Variants in AGAP1 observed in about 807,000 individuals in gnomAD.
The protein encoded by AGAP1 is ArfGAP with GTPase domain, ankyrin repeat and PH domain 1, also known as arf-GAP with GTPase, ANK repeat and PH domain-containing protein 1.
A neutral mutation model predicts 105.3 loss-of-function variants in AGAP1; 29 were observed. That is an observed-to-expected ratio of 0.28 (90% CI 0.21 to 0.38). AGAP1 has a LOEUF of 0.38. AGAP1 is among the 10% of genes least tolerant of loss of function. AGAP1 has a pLI of 1.00. For synonymous variants in AGAP1, 509 were observed against 485.9 expected, an observed-to-expected ratio of 1.05 and a Z score of -0.63; for missense variants, 998 against 1,165.1, an observed-to-expected ratio of 0.86 and a Z score of 2.09.
At chr2:235,847,739 G>A (rs970086111) in intron 9 of AGAP1, among the ~76,000 whole-genome samples, 4 of 152,000 alleles carry the variant, frequency 2.6e-5, no homozygotes, top group African/African-American at 7.2e-5. Context: ...AGTGGCTCTC[G>A]TACACGACGC....
intron 9 of AGAP1, among the ~76,000 whole-genome samples, chr2:235,856,771 C>G (rs761459266): frequency 2.0e-5 from 3 of 152,244 alleles, no homozygotes; most frequent in Non-Finnish European, 4.4e-5. Context: ...ATAAATGTCC[C>G]TTGCCCAAGT....
Position 236,035,539 on chromosome 2 carries a change from G to A in AGAP1, c.1646-1022G>A, listed in dbSNP as rs558020745. Among the ~76,000 whole-genome samples the A allele has an allele frequency of 6.6e-6, 1 of 152,176 alleles. No homozygotes were observed. The highest frequency in any genetic ancestry group is 2.4e-5 in the African/African-American group (1 of 41,450). The stretch of plus-strand genomic sequence containing the variant: ...CTACTCAGGAGGCGAAGGCAGGCTC[G>A]CTTGAGCCTGGGAGGTGGAAGATAT... On this transcript the variant is annotated intron_variant, in intron 13 of 17. Coordinates refer to ENST00000304032, the MANE Select transcript of AGAP1 (RefSeq NM_001037131.3). This position sits in a 1 kb window ranked among gnomAD's most constrained non-coding sequence, Gnocchi z 4.2.
Position 236,087,827 on chromosome 2 carries a change from G to A in AGAP1, c.2115-32365G>A, listed in dbSNP as rs1350827697. On this transcript the variant is annotated intron_variant, in intron 16 of 17. Coordinates refer to ENST00000304032, the MANE Select transcript of AGAP1 (RefSeq NM_001037131.3). This position sits in a 1 kb window ranked among gnomAD's most constrained non-coding sequence, Gnocchi z 5.7. ...TCACAAGGCTTTTGAATGGGCTATGGGGAGGAATAGACCAGAGGTCTTTGC... is the reference window on the plus strand; with the variant it reads ...TCACAAGGCTTTTGAATGGGCTATGAGGAGGAATAGACCAGAGGTCTTTGC... Among the ~76,000 whole-genome samples the A allele has an allele frequency of 6.6e-6, 1 of 152,152 alleles. No individual in the cohort carries two copies. The highest frequency in any genetic ancestry group is 2.4e-5 in the African/African-American group (1 of 41,416).
chr2:235,903,738 T>A (rs1453109481), intron 10 of AGAP1, among the ~76,000 whole-genome samples: 1 of 151,920 alleles, frequency 6.6e-6, no homozygotes, highest in Admixed American at 6.6e-5. Flanking sequence ...TGGGGAGAAT[T>A]CTTGTATATT....
intron 13 of AGAP1, among the ~76,000 whole-genome samples, chr2:236,008,248 C>G (rs890160459): frequency 1.3e-5 from 2 of 152,314 alleles, no homozygotes; most frequent in South Asian, 4.1e-4. Flanking sequence ...GGTTTCTGTT[C>G]TCATGCTGTT....
Position 236,013,772 on chromosome 2 carries a change from C to T in AGAP1, c.1646-22789C>T, listed in dbSNP as rs116513687. 2.4e-3 allele frequency among the ~76,000 whole-genome samples: 358 copies of T among 152,332 alleles called. 1 individual carries two copies. The highest frequency in any genetic ancestry group is 8.0e-3 in the African/African-American group (332 of 41,578). ...AAACATTCCATTCCACCTGCCTGCA[C>T]GGCAGTCCAAGCCCTCTAGCCCTGT... is the stretch of plus-strand genomic sequence containing the variant. On this transcript the variant is annotated intron_variant, in intron 13 of 17. Coordinates refer to ENST00000304032, the MANE Select transcript of AGAP1 (RefSeq NM_001037131.3).
intron 1 of AGAP1, among the ~76,000 whole-genome samples, chr2:235,675,868 A>T (rs1157402727): frequency 3.3e-5 from 5 of 152,156 alleles, no homozygotes; most frequent in African/African-American, 9.7e-5. Context: ...CATCAAAGAG[A>T]CTTGGGCTGG....
rs548247442 is a variant in AGAP1 at position 236,078,376 on chromosome 2, A to G, written c.2114+29095A>G. 1.3e-5 allele frequency among the ~76,000 whole-genome samples: 2 copies of G among 152,220 alleles called. No homozygotes were observed. Among genetic ancestry groups the G allele is most frequent in the African/African-American group, 2.4e-5 (1 of 41,528 alleles). On this transcript the variant is annotated intron_variant, in intron 16 of 17. Coordinates refer to ENST00000304032, the MANE Select transcript of AGAP1 (RefSeq NM_001037131.3). The surrounding 1 kb of genome is among the most constrained non-coding windows in gnomAD (Gnocchi z 5.3). The stretch of plus-strand genomic sequence containing the variant: ...TGCCTTTGTTTGGAGTCCATGGACT[A>G]TAAGTGACATCTACAAAAGGCCTTC...
At chr2:235,766,148 G>C (rs1954932355) in intron 6 of AGAP1, among the ~76,000 whole-genome samples, 1 of 152,194 alleles carries the variant, frequency 6.6e-6, no homozygotes, top group Non-Finnish European at 1.5e-5. Context: ...GCTCCTTTAA[G>C]TTATAATTGT....
At chr2:236,106,631 G>T (rs538841977) in intron 16 of AGAP1, among the ~76,000 whole-genome samples, 35 of 152,358 alleles carry the variant, frequency 2.3e-4, no homozygotes, top group African/African-American at 8.2e-4. Flanking sequence ...GGGCTCCCAT[G>T]AATGCATTTG....
rs937393128 is a variant in AGAP1 at position 235,905,324 on chromosome 2, G to A, written c.1156-3414G>A. On this transcript the variant is annotated intron_variant, in intron 10 of 17. Coordinates refer to ENST00000304032, the MANE Select transcript of AGAP1 (RefSeq NM_001037131.3). This position sits in a 1 kb window ranked among gnomAD's most constrained non-coding sequence, Gnocchi z 4.2. Reference sequence around the variant, plus strand: ...GTTATAGCAAGTTGATATTTTTAAAGGAGTAACTGTGCAAGAAGGAATTCA... The same window carrying A: ...GTTATAGCAAGTTGATATTTTTAAAAGAGTAACTGTGCAAGAAGGAATTCA... 3.3e-5 allele frequency among the ~76,000 whole-genome samples: 5 copies of A among 152,154 alleles called. No homozygotes were observed. The highest frequency in any genetic ancestry group is 1.2e-4 in the African/African-American group (5 of 41,436).
chr2:235,913,505 T>G (rs2051722114), intron 11 of AGAP1, among the ~76,000 whole-genome samples: 1 of 152,124 alleles, frequency 6.6e-6, no homozygotes, highest in African/African-American at 2.4e-5. Context: ...AATCACTTCA[T>G]CAAATGGGCT....
At chr2:235,840,385 C>T (rs1192523600) in intron 9 of AGAP1, among the ~76,000 whole-genome samples, 1 of 152,248 alleles carries the variant, frequency 6.6e-6, no homozygotes, top group Non-Finnish European at 1.5e-5. Flanking sequence ...GAAGACAAGG[C>T]TGTTCCTCTC....
At chr2:235,515,575 C>T (rs1012323060) in intron 1 of AGAP1, among the ~76,000 whole-genome samples, 1 of 152,190 alleles carries the variant, frequency 6.6e-6, no homozygotes, top group Non-Finnish European at 1.5e-5. Context: ...TCATGGGTAT[C>T]ATTTTGTGCA....
rs754604211 is a variant in AGAP1 at position 235,930,793 on chromosome 2, G to C, written c.1353G>C (p.Gln451His). 11 of 1,614,068 alleles carry C rather than the reference G, an allele frequency of 6.8e-6. No homozygotes were observed. The highest frequency in any genetic ancestry group is 9.3e-6 in the Non-Finnish European group (11 of 1,180,020). Residue 451 changes from glutamine (Q) to histidine (H), a missense_variant, in exon 12 of 18, where the codon CAG becomes CAC. Gln to His is a conservative substitution (Grantham distance 24, BLOSUM62 0). Coordinates refer to ENST00000304032, the MANE Select transcript of AGAP1 (RefSeq NM_001037131.3). This position sits in a 1 kb window ranked among gnomAD's most constrained non-coding sequence, Gnocchi z 7.9. ...ATGTCACTAGTGCATCTGGGTCTCA[G>C]ATGGCAAGCGGCATCAGCCTGGTCT... ...SGNVTSASGS[Q>H]MASGISLVSF...
At chr2:236,013,231 G>A (rs982098940) in intron 13 of AGAP1, among the ~76,000 whole-genome samples, 2 of 152,086 alleles carry the variant, frequency 1.3e-5, no homozygotes, top group African/African-American at 2.4e-5. Context: ...CAGGTTTCTC[G>A]CGTATGTTTT....
At chr2:236,084,968 A>T (rs1181690108) in intron 16 of AGAP1, among the ~76,000 whole-genome samples, 1 of 151,812 alleles carries the variant, frequency 6.6e-6, no homozygotes, top group East Asian at 1.9e-4. Context: ...TAATCCCAGC[A>T]CTTTGGGAGG....
At chr2:235,809,089 T>C (rs1957990696) in intron 9 of AGAP1, among the ~76,000 whole-genome samples, 1 of 152,052 alleles carries the variant, frequency 6.6e-6, no homozygotes, top group Non-Finnish European at 1.5e-5. Flanking sequence ...TTAATGCCTG[T>C]CTGTGGTTGA....
intron 16 of AGAP1, among the ~76,000 whole-genome samples, chr2:236,068,860 G>T (rs2058422223): frequency 1.3e-5 from 2 of 149,346 alleles, no homozygotes; most frequent in Non-Finnish European, 3.0e-5. Context: ...TAGGCATGGT[G>T]GTTCACGCCT....
Sources: gnomAD v4.1 joint callset for allele counts (sites outside exome capture counted in the v4.1 genomes callset) on GRCh38, gnomAD v4.1.1 for gene constraint, Gnocchi (gnomAD v3.1) non-coding constraint, MANE v1.5 for transcripts, NCBI Gene and HGNC (gene_info 2026-07-23, HGNC 2026-07-21) for gene names.